Variants in MACC1 observed in about 807,000 individuals in gnomAD.
The protein encoded by MACC1 is MET transcriptional regulator MACC1, also known as metastasis-associated in colon cancer protein 1.
Under a neutral mutation model 70.7 loss-of-function variants are expected in MACC1, and 79 were observed. That is an observed-to-expected ratio of 1.12 (90% confidence interval 0.93 to 1.35). MACC1 has a LOEUF of 1.35. Among genes scored for constraint, MACC1 ranks in the 40% most tolerant of loss-of-function variants. The pLI, the probability that MACC1 is intolerant of heterozygous loss-of-function variation, is 0.00. For missense variants in MACC1, 1,106 were observed against 978.1 expected (o/e 1.13, Z -1.74); for synonymous variants, 361 against 347.2 (o/e 1.04, Z -0.44).
chr7:20,141,146 G>T lies in MACC1; in HGVS notation c.2359C>A (p.Pro787Thr), dbSNP rs764056340. The change falls in exon 7 of 7, where the codon CCT (proline) becomes ACT (threonine). Residue 787 changes from proline to threonine, a missense_variant. Transcript: ENST00000400331. ...CAGGTATACAGAAAATCATAGGCAG[G>T]TTTCCACATCATCTATAAAGAAAAA... ...GDVAVEMMWK[P>T]AYDFLYTWSA... 2.5e-6 allele frequency: 4 copies of T among 1,594,944 alleles called. No homozygotes were observed. In the African/African-American group the frequency reaches 5.4e-5, roughly 22 times the overall value.
intron 1 of MACC1, among the ~76,000 whole-genome samples, chr7:20,210,597 A>G (rs540764853): frequency 5.3e-5 from 8 of 152,166 alleles, no homozygotes; most frequent in Non-Finnish European, 1.2e-4. Context: ...TTAGGCTGGT[A>G]TTTGAAAATC....
intron 6 of MACC1, 71 bp downstream of exon 6, chr7:20,154,121 AT>A (rs1363117053): frequency 6.7e-7 from 1 of 1,493,992 alleles, no homozygotes; most frequent in African/African-American, 1.4e-5. Flanking sequence ...TGAATGTGGT[AT>A]GGGTTTGATT....
At chr7:20,191,875 G>GTC (rs1782678449) in intron 1 of MACC1, among the ~76,000 whole-genome samples, 1 of 152,204 alleles carries the variant, frequency 6.6e-6, no homozygotes, top group Non-Finnish European at 1.5e-5. Flanking sequence ...CACACCTACT[G>GTC]TCTTCAATGC....
rs1022157839 is a variant in MACC1 at position 20,172,829 on chromosome 7, C to T, written c.-217-2051G>A. On this transcript the variant is annotated intron_variant, in intron 1 of 6. Coordinates refer to ENST00000400331, the MANE Select transcript of MACC1 (RefSeq NM_182762.4). Reference sequence around the variant, plus strand: ...CAGGTGGAATACTCAAGGTCAGGAGCCTATCTCCTTGCTGAGAGCCTGTGC... The same window carrying T: ...CAGGTGGAATACTCAAGGTCAGGAGTCTATCTCCTTGCTGAGAGCCTGTGC... 2.6e-5 allele frequency among the ~76,000 whole-genome samples: 4 copies of T among 152,206 alleles called. No individual in the cohort carries two copies. The South Asian group carries it at 8.3e-4, about 32-fold the overall frequency.
intron 6 of MACC1, among the ~76,000 whole-genome samples, chr7:20,148,443 G>C (rs576240978): frequency 6.6e-6 from 1 of 151,994 alleles, no homozygotes; most frequent in South Asian, 2.1e-4. Flanking sequence ...GCTGGATTTT[G>C]GTTTTCTGAA....
intron 6 of MACC1, among the ~76,000 whole-genome samples, chr7:20,144,518 T>C (rs1298484680): frequency 6.6e-6 from 1 of 152,212 alleles, no homozygotes; most frequent in Non-Finnish European, 1.5e-5. Flanking sequence ...ATTTTTTTAA[T>C]CTATAAAATA....
rs1781754134 is a variant in MACC1, at chr7:20,138,742, G to C, written c.*2204C>G. ...GGCTGGAGTGCAGTGGCATGAACTC[G>C]GCTCACTGCAAGCTCCGCCTCCCGG... On this transcript the variant is annotated 3_prime_UTR_variant, in exon 7 of 7. Coordinates refer to ENST00000400331, the MANE Select transcript of MACC1 (RefSeq NM_182762.4). 6.6e-6 allele frequency: 1 copy of C among 151,044 alleles called. No individual in the cohort carries two copies. 9.4% of individuals were successfully genotyped at this position (151,044 alleles called of 1,614,324 possible). A position where few individuals can be genotyped will look rare whatever the true frequency, so the allele number is the denominator to read the frequency against.
intron 1 of MACC1, among the ~76,000 whole-genome samples, chr7:20,210,781 ATTTG>A (rs1179520435): frequency 6.6e-6 from 1 of 152,180 alleles, no homozygotes; most frequent in Non-Finnish European, 1.5e-5. Flanking sequence ...GTCAGGAATT[ATTTG>A]TTTAATTAAT....
At chr7:20,209,172 C>T (rs1285299862) in intron 1 of MACC1, among the ~76,000 whole-genome samples, 2 of 152,356 alleles carry the variant, frequency 1.3e-5, no homozygotes, top group East Asian at 3.9e-4. Context: ...GGAGCCCCCA[C>T]ACATAGTCCG....
At chr7:20,166,610 T>A (rs928822862) in intron 2 of MACC1, among the ~76,000 whole-genome samples, 1 of 152,202 alleles carries the variant, frequency 6.6e-6, no homozygotes, top group Non-Finnish European at 1.5e-5. Flanking sequence ...ACAGGGCAAA[T>A]GTCAGCAGTT....
At chr7:20,200,776 A>C (rs575548715) in intron 1 of MACC1, among the ~76,000 whole-genome samples, 1 of 152,214 alleles carries the variant, frequency 6.6e-6, no homozygotes, top group Non-Finnish European at 1.5e-5. Context: ...GAGCCATTCA[A>C]TATTTTCATG....
At chr7:20,157,636 A>G (rs1323501646) in intron 5 of MACC1, among the ~76,000 whole-genome samples, 1 of 149,542 alleles carries the variant, frequency 6.7e-6, no homozygotes, top group Admixed American at 6.7e-5. Context: ...AAAAAAAAAA[A>G]TACCCAGGCA....
At chr7:20,178,290 CACACACA>C (rs780581835) in intron 1 of MACC1, among the ~76,000 whole-genome samples, 3 of 145,972 alleles carry the variant, frequency 2.1e-5, no homozygotes, top group African/African-American at 8.2e-5. Context: ...CACACACACA[CACACACA>C]CTCCAGAGAA....
chr7:20,172,292 C>A (rs551607771), intron 1 of MACC1, among the ~76,000 whole-genome samples: 76 of 152,138 alleles, frequency 5.0e-4, no homozygotes, highest in Non-Finnish European at 8.1e-4. Context: ...GTTTTAAAAT[C>A]CAAACCTCTC....
At chr7:20,205,389 G>A (rs1175762040) in intron 1 of MACC1, among the ~76,000 whole-genome samples, 3 of 152,188 alleles carry the variant, frequency 2.0e-5, no homozygotes, top group Non-Finnish European at 4.4e-5. Context: ...CAGGAGTTAG[G>A]AAAAGCCCAG....
At chr7:20,142,262 G>C (rs1299425652) in intron 6 of MACC1, among the ~76,000 whole-genome samples, 1 of 152,096 alleles carries the variant, frequency 6.6e-6, no homozygotes, top group Non-Finnish European at 1.5e-5. Flanking sequence ...TAATTTTAAA[G>C]TTAAAAGAAT....
chr7:20,173,122 C>T (rs1200739291), intron 1 of MACC1, among the ~76,000 whole-genome samples: 1 of 152,136 alleles, frequency 6.6e-6, no homozygotes, highest in South Asian at 2.1e-4. Context: ...TCCCAAAAAT[C>T]CGAGATGGAT....
chr7:20,147,934 C>T (rs1781918100), intron 6 of MACC1, among the ~76,000 whole-genome samples: 1 of 152,132 alleles, frequency 6.6e-6, no homozygotes. Flanking sequence ...CACCCATGCC[C>T]CTGCCAAAAA....
intron 6 of MACC1, among the ~76,000 whole-genome samples, chr7:20,143,307 CG>C (rs1365289073): frequency 1.3e-5 from 2 of 152,200 alleles, no homozygotes; most frequent in African/African-American, 4.8e-5. Context: ...AGGAAAGGTC[CG>C]ACGACACATC....
Sources: gnomAD v4.1 joint callset for allele counts (sites outside exome capture counted in the v4.1 genomes callset) on GRCh38, gnomAD v4.1.1 for gene constraint, MANE v1.5 for transcripts, NCBI Gene and HGNC (gene_info 2026-07-23, HGNC 2026-07-21) for gene names.